Variants in SF3B1 observed in about 807,000 individuals in gnomAD.
SF3B1 encodes the protein pre-mRNA processing 10.
In SF3B1, 12 loss-of-function variants were observed where a neutral mutation model predicts 153.8. The ratio of observed to expected loss-of-function variants is 0.08; its 90% CI spans 0.05 to 0.13. The LOEUF (loss-of-function observed/expected upper bound fraction) is 0.13. Ranked by LOEUF, SF3B1 falls within the 10% of genes least tolerant of loss-of-function variation. The probability of loss-of-function intolerance (pLI) is 1.00; values close to 1 mark genes in which losing one functional copy is unlikely to be tolerated. For synonymous variants in SF3B1, 498 were observed against 525.2 expected, an observed-to-expected ratio of 0.95 and a Z score of 0.71; for missense variants, 513 against 1,606.1, an observed-to-expected ratio of 0.32 and a Z score of 11.63.
Position 197,407,990 on chromosome 2 carries a change from T to G in SF3B1, c.1239+8A>C, listed in dbSNP as rs749803503. On this transcript the variant is annotated splice_region_variant and intron_variant, in intron 9 of 24. Transcript: ENST00000335508. ...TAAATACCACCTCATTCAAATTTGA[T>G]GTACTACCTTATATCCTTCTGGGAA... 3.1e-6 allele frequency: 5 copies of G among 1,608,834 alleles called. No individual in the cohort carries two copies. Among genetic ancestry groups the G allele is most frequent in the African/African-American group, 1.3e-5 (1 of 74,892 alleles).
chr2:197,406,849 T>C (rs1247127899), intron 9 of SF3B1, among the ~76,000 whole-genome samples: 2 of 152,048 alleles, frequency 1.3e-5, no homozygotes, highest in African/African-American at 4.8e-5. Flanking sequence ...CCCAGCAGTG[T>C]GGGAGGCCAA....
rs1190204919 is a variant in SF3B1 at position 197,389,989 on chromosome 2, A to G, written c.*2314T>C. ...AACATTTCTTTGTTTGGCTTTAAGAAACACCAAAAGAAAATACAAAAGAAA... is the reference window on the plus strand; with the variant it reads ...AACATTTCTTTGTTTGGCTTTAAGAGACACCAAAAGAAAATACAAAAGAAA... On this transcript the variant is annotated 3_prime_UTR_variant, in exon 25 of 25. Coordinates refer to ENST00000335508, the MANE Select transcript of SF3B1 (RefSeq NM_012433.4). The G allele has an allele frequency of 6.6e-6, 1 of 152,232 alleles. No individual in the cohort carries two copies. Among genetic ancestry groups the G allele is most frequent in the Non-Finnish European group, 1.5e-5 (1 of 68,038 alleles). 9.4% of individuals were successfully genotyped at this position (152,232 alleles called of 1,614,324 possible). A position where few individuals can be genotyped will look rare whatever the true frequency, so the allele number is the denominator to read the frequency against.
intron 1 of SF3B1, among the ~76,000 whole-genome samples, chr2:197,432,543 T>C (rs1025673993): frequency 2.0e-5 from 3 of 152,154 alleles, no homozygotes; most frequent in African/African-American, 7.2e-5. Context: ...ATCAGATTGG[T>C]TAAAGAGGAT....
In SF3B1 at chr2:197,393,167, C is replaced by T. The variant is rs751302446; in HGVS notation, c.3561G>A (p.Thr1187=). 7.4e-6 allele frequency: 12 copies of T among 1,613,690 alleles called. No individual in the cohort carries two copies. Among genetic ancestry groups the T allele is most frequent in the South Asian group, 2.2e-5 (2 of 91,086 alleles). ...ACATGTGCTGTACCACTGCACTAGCCGTCTGTCTGTGTACAAGGTCTCTAC... is the reference window on the plus strand; with the variant it reads ...ACATGTGCTGTACCACTGCACTAGCTGTCTGTCTGTGTACAAGGTCTCTAC... ...LMDRDLVHRQ[T]ASAVVQHMSL... Residue 1187 remains threonine (T), a synonymous_variant, in exon 24 of 25, where the codon ACG becomes ACA. Coordinates refer to ENST00000335508, the MANE Select transcript of SF3B1 (RefSeq NM_012433.4).
At chr2:197,405,527 T>G in intron 9 of SF3B1, 55 bp from the exon 10 acceptor site, 1 of 1,222,406 alleles carries the variant, frequency 8.2e-7, no homozygotes, top group Non-Finnish European at 1.2e-6. Flanking sequence ...AACAGCATAA[T>G]GAACAATATT....
At position 197,420,511 on chromosome 2, in the gene SF3B1, T is replaced by C; in HGVS notation, c.332A>G (p.Lys111Arg). The C allele has an allele frequency of 3.7e-6, 6 of 1,613,284 alleles. No homozygotes were observed. Among genetic ancestry groups the C allele is most frequent in the Non-Finnish European group, 5.1e-6 (6 of 1,179,388 alleles). Residue 111 changes from lysine (K) to arginine (R), a missense_variant, in exon 4 of 25, where the codon AAG (lysine) becomes AGG (arginine). Physicochemically the swap from Lys to Arg is conservative, Grantham distance 26. Around this residue, in one of 21 missense-constraint regions of SF3B1, gnomAD observed 56 missense variants for 75.6 expected, o/e 0.74. Coordinates refer to ENST00000335508, the MANE Select transcript of SF3B1 (RefSeq NM_012433.4). The part of the protein sequence containing the change: ...YDPFAEHRPP[K>R]IADREDEYKK... Reference sequence around the variant, plus strand: ...GTATTCATCTTCCCGGTCTGCAATCTTTGGAGGTCTGTGCTCAGCAAATGG... The same window carrying C: ...GTATTCATCTTCCCGGTCTGCAATCCTTGGAGGTCTGTGCTCAGCAAATGG...
At chr2:197,404,413 C>T (rs1166069950) in intron 11 of SF3B1, among the ~76,000 whole-genome samples, 2 of 152,030 alleles carry the variant, frequency 1.3e-5, no homozygotes, top group Non-Finnish European at 2.9e-5. Flanking sequence ...AACCCCGTTT[C>T]TACTAAAAAT....
At chr2:197,415,848 G>A (rs919329442) in intron 6 of SF3B1, among the ~76,000 whole-genome samples, 1 of 152,114 alleles carries the variant, frequency 6.6e-6, no homozygotes, top group African/African-American at 2.4e-5. Flanking sequence ...TCACCAGGCT[G>A]GAATGCAGCG....
chr2:197,415,466 G>T (rs902042564), intron 6 of SF3B1, among the ~76,000 whole-genome samples: 1 of 151,934 alleles, frequency 6.6e-6, no homozygotes. Context: ...ACGTTGGCCA[G>T]GCTGGTCTTG....
At position 197,418,521 on chromosome 2, in the gene SF3B1, C is replaced by A; in HGVS notation, c.483G>T (p.Leu161Phe). ...TYMDVMREQH[L>F]TKEEREIRQQ... ...CAGGTTTACATACTTCTTCTTTAGTCAAGTGTTGTTCTCGCATTACATCCA... is the reference window on the plus strand; with the variant it reads ...CAGGTTTACATACTTCTTCTTTAGTAAAGTGTTGTTCTCGCATTACATCCA... The change falls in exon 5 of 25, where the codon TTG becomes TTT. Residue 161 changes from leucine to phenylalanine, a missense_variant. Around this residue, in one of 21 missense-constraint regions of SF3B1, gnomAD observed 45 missense variants for 65.5 expected, o/e 0.69. Transcript: ENST00000335508. The A allele has an allele frequency of 1.2e-6, 2 of 1,610,228 alleles. No homozygotes were observed. The highest frequency in any genetic ancestry group is 8.5e-7 in the Non-Finnish European group (1 of 1,177,114).
At chr2:197,433,252 G>GTATCACT (rs1435551799) in intron 1 of SF3B1, among the ~76,000 whole-genome samples, 2 of 152,228 alleles carry the variant, frequency 1.3e-5, no homozygotes, top group African/African-American at 2.4e-5. Flanking sequence ...TTTTCTTATG[G>GTATCACT]TATCACTTAA....
At chr2:197,426,883 G>A (rs1021373748) in intron 1 of SF3B1, among the ~76,000 whole-genome samples, 2 of 152,044 alleles carry the variant, frequency 1.3e-5, no homozygotes, top group East Asian at 3.9e-4. Flanking sequence ...CAGGAAAGGG[G>A]TGCTGTTTTA....
chr2:197,410,054 AT>A (rs2105996376), intron 6 of SF3B1, 47 bp from the exon 7 acceptor site: 1 of 1,272,110 alleles, frequency 7.9e-7, no homozygotes, highest in Middle Eastern at 2.3e-4. Context: ...CACAGAAATA[AT>A]TAGAAAATTT....
Position 197,416,903 on chromosome 2 carries a change from A to C in SF3B1, c.504T>G (p.Ile168Met), listed in dbSNP as rs761530701. 2.5e-6 allele frequency: 4 copies of C among 1,610,452 alleles called. No individual in the cohort carries two copies. The highest frequency in any genetic ancestry group is 2.5e-6 in the Non-Finnish European group (3 of 1,178,326). Residue 168 changes from isoleucine to methionine, a missense_variant, in exon 6 of 25, where the codon ATT (isoleucine) becomes ATG (methionine). Ile to Met is a conservative substitution (Grantham distance 10, BLOSUM62 1). Coordinates refer to ENST00000335508, the MANE Select transcript of SF3B1 (RefSeq NM_012433.4). The part of the protein sequence containing the change: ...EQHLTKEERE[I>M]RQQLAEKAKA... Reference sequence around the variant, plus strand: ...TAGCTTTTTCTGCTAGCTGTTGCCTAATTTCTCGCTGAAAAAAACAGTGAG... The same window carrying C: ...TAGCTTTTTCTGCTAGCTGTTGCCTCATTTCTCGCTGAAAAAAACAGTGAG...
chr2:197,415,297 AGCTGGAACACATTG>A (rs2085131399), intron 6 of SF3B1, among the ~76,000 whole-genome samples: 1 of 151,894 alleles, frequency 6.6e-6, no homozygotes, highest in Admixed American at 6.6e-5. Context: ...CTGTTGCCCA[AGCTGGAACACATTG>A]GCGTAATCTC....
Position 197,398,478 on chromosome 2 carries a change from A to T in SF3B1, c.3117T>A (p.Val1039=), listed in dbSNP as rs747557865. The T allele has an allele frequency of 5.6e-6, 9 of 1,613,846 alleles. No individual in the cohort carries two copies. In the East Asian group the frequency reaches 6.7e-5, roughly 12 times the overall value. The change falls in exon 21 of 25, where the codon GTT becomes GTA. Residue 1039 remains valine (V), a synonymous_variant. Coordinates refer to ENST00000335508, the MANE Select transcript of SF3B1 (RefSeq NM_012433.4). ...CTGCTTACCTGTCAGCAATACGACC[A>T]ACAAGATCAATACAATTCTCTTGTA... ...EKVQENCIDL[V]GRIADRGAEY...
rs549667474 is a variant in SF3B1, at chr2:197,401,228, CA to C, written c.2496+171del. Reference sequence around the variant, plus strand: ...ACAGTTAAGTATTAATCCTCGAATCCAAAATCAAAATGGAAGTTAACTGGCT... The same window carrying C: ...ACAGTTAAGTATTAATCCTCGAATCCAAATCAAAATGGAAGTTAACTGGCT... On this transcript the variant is annotated intron_variant, in intron 17 of 24. Transcript: ENST00000335508. This position sits in a 1 kb window ranked among gnomAD's most constrained non-coding sequence, Gnocchi z 4.2. 6.8e-3 allele frequency among the ~76,000 whole-genome samples: 1,034 copies of C among 152,198 alleles called. 5 individuals carry two copies. Among genetic ancestry groups the C allele is most frequent in the Non-Finnish European group, 0.011 (775 of 68,002 alleles).
At chr2:197,417,650 G>A (rs975421235) in intron 5 of SF3B1, among the ~76,000 whole-genome samples, 13 of 151,606 alleles carry the variant, frequency 8.6e-5, no homozygotes, top group Admixed American at 2.6e-4. Flanking sequence ...CCAGAAACTC[G>A]GGAGGCTGTG....
At chr2:197,403,558 T>C (rs763677052) in intron 12 of SF3B1, 27 bp downstream of exon 12, 1 of 1,466,288 alleles carries the variant, frequency 6.8e-7, no homozygotes, top group South Asian at 1.4e-5. Context: ...CTTTAAACTA[T>C]CAGAAACACT....
Sources: allele counts gnomAD v4.1 joint callset (sites outside exome capture counted in the v4.1 genomes callset), GRCh38; gene constraint gnomAD v4.1.1; regional missense constraint gnomAD v4.1.1; non-coding constraint Gnocchi (gnomAD v3.1); transcripts MANE v1.5; gene names NCBI Gene and HGNC (gene_info 2026-07-23, HGNC 2026-07-21).